AKT3: variants seen among roughly 807,000 people sequenced by gnomAD.
AKT3 encodes AKT serine/threonine kinase 3.
In AKT3, 15 loss-of-function variants were observed where a neutral mutation model predicts 65.3. The observed-to-expected ratio is 0.23, with a 90% confidence interval of 0.15 to 0.35. AKT3 has a LOEUF of 0.35. AKT3 is among the 10% of genes least tolerant of loss of function. The pLI is 1.00. For missense variants in AKT3, 243 were observed against 576.5 expected (o/e 0.42, Z 5.92); for synonymous variants, 206 against 183.8 (o/e 1.12, Z -0.98).
downstream of AKT3, among the ~76,000 whole-genome samples, chr1:243,497,531 A>C (rs1386945900): frequency 1.3e-5 from 2 of 152,088 alleles, no homozygotes; most frequent in African/African-American, 4.8e-5. Flanking sequence ...ACCCCCATGC[A>C]GGCCCACGGA....
chr1:243,536,521 C>T (rs1671944464), intron 12 of AKT3, among the ~76,000 whole-genome samples: 1 of 152,146 alleles, frequency 6.6e-6, no homozygotes, highest in Admixed American at 6.5e-5. Flanking sequence ...ATCTACTTAG[C>T]CTCAAATTAT....
intron 2 of AKT3, among the ~76,000 whole-genome samples, chr1:243,739,294 T>C (rs546958429): frequency 3.2e-4 from 49 of 152,184 alleles, no homozygotes; most frequent in African/African-American, 1.2e-3. Flanking sequence ...ATAGAAAAAA[T>C]TGAGATATTT....
chr1:243,795,491 A>G (rs1321036322), intron 2 of AKT3, among the ~76,000 whole-genome samples: 6 of 18,228 alleles, frequency 3.3e-4, no homozygotes, highest in Non-Finnish European at 7.4e-4. Context: ...TTTTTTTTTG[A>G]GACGGAGTCT....
chr1:243,840,580 A>C (rs979183316), intron 2 of AKT3, among the ~76,000 whole-genome samples: 5 of 152,206 alleles, frequency 3.3e-5, no homozygotes, highest in Non-Finnish European at 5.9e-5. Flanking sequence ...TATTTATATA[A>C]TGTAATATTT....
chr1:243,796,361 T>C (rs1692004423), intron 2 of AKT3, among the ~76,000 whole-genome samples: 1 of 152,214 alleles, frequency 6.6e-6, no homozygotes, highest in Non-Finnish European at 1.5e-5. Flanking sequence ...TTTCTCAAAG[T>C]CCGATCACAG....
chr1:243,660,224 G>A lies in AKT3; in HGVS notation c.284+4548C>T, dbSNP rs560654690. ...TTAGTCTTGGGAGAGTGTATGTGTCGAGGAATTTATCCATTTCTTCTAGAT... is the reference window on the plus strand; with the variant it reads ...TTAGTCTTGGGAGAGTGTATGTGTCAAGGAATTTATCCATTTCTTCTAGAT... On this transcript the variant is annotated intron_variant, in intron 4 of 13. Coordinates refer to ENST00000673466, the MANE Select transcript of AKT3 (RefSeq NM_005465.7). 7.9e-5 allele frequency among the ~76,000 whole-genome samples: 12 copies of A among 151,924 alleles called. No homozygotes were observed. The South Asian group carries it at 8.4e-4, about 11-fold the overall frequency.
At chr1:243,596,062 A>G (rs1241008793) in intron 8 of AKT3, among the ~76,000 whole-genome samples, 3 of 152,304 alleles carry the variant, frequency 2.0e-5, no homozygotes, top group Non-Finnish European at 4.4e-5. Context: ...ACTAGGCAAT[A>G]TGAATTTTTC....
chr1:243,586,395 T>A (rs1429709462), intron 8 of AKT3, among the ~76,000 whole-genome samples: 1 of 152,128 alleles, frequency 6.6e-6, no homozygotes, highest in Non-Finnish European at 1.5e-5. Flanking sequence ...CATTACTGAG[T>A]GTGTACCCAA....
At position 243,577,550 on chromosome 1, in the gene AKT3, A is replaced by G. The variant is rs148360362; in HGVS notation, c.697-4502T>C. 8.8e-3 allele frequency among the ~76,000 whole-genome samples: 1,341 copies of G among 152,328 alleles called. 7 individuals are homozygous for G. The highest frequency in any genetic ancestry group is 0.015 in the Non-Finnish European group (989 of 68,038). ...TACCTTATACAAAAATTAACTCAAGATTGATTAAAGACAAATGTAAAACCC... is the reference window on the plus strand; with the variant it reads ...TACCTTATACAAAAATTAACTCAAGGTTGATTAAAGACAAATGTAAAACCC... On this transcript the variant is annotated intron_variant, in intron 8 of 13. Transcript: ENST00000673466.
intron 2 of AKT3, among the ~76,000 whole-genome samples, chr1:243,696,056 A>T (rs1288391349): frequency 6.6e-6 from 1 of 151,874 alleles, no homozygotes; most frequent in Admixed American, 6.6e-5. Flanking sequence ...AGCCTTGGTA[A>T]ATCATCCACA....
Position 243,629,059 on chromosome 1 carries a change from C to G in AKT3, c.561+8552G>C, listed in dbSNP as rs1011909611. Among the ~76,000 whole-genome samples, 155 of 151,162 alleles carry G rather than the reference C, an allele frequency of 1.0e-3. 1 individual carries two copies. The highest frequency in any genetic ancestry group is 4.0e-4 in the Non-Finnish European group (27 of 67,678). The stretch of plus-strand genomic sequence containing the variant: ...TGGGAGGCCGAGGCAGGTGGATCAC[C>G]TGAGGTCAGGAGTTTGAGACCAGCC... On this transcript the variant is annotated intron_variant, in intron 6 of 13. Transcript: ENST00000673466.
chr1:243,604,663 T>G (rs1677263194), intron 8 of AKT3, among the ~76,000 whole-genome samples: 1 of 152,188 alleles, frequency 6.6e-6, no homozygotes, highest in Non-Finnish European at 1.5e-5. Context: ...GCTCCTCAGG[T>G]TCATTAAAGT....
chr1:243,779,372 T>C (rs992277138), intron 2 of AKT3, among the ~76,000 whole-genome samples: 1 of 152,038 alleles, frequency 6.6e-6, no homozygotes, highest in African/African-American at 2.4e-5. Flanking sequence ...GCAGTGACAA[T>C]GCCTGGTTTT....
At chr1:243,519,625 A>C (rs1353986219) in intron 12 of AKT3, among the ~76,000 whole-genome samples, 1 of 152,148 alleles carries the variant, frequency 6.6e-6, no homozygotes, top group African/African-American at 2.4e-5. Context: ...ACTTCTGGGA[A>C]AGCTTCACCA....
chr1:243,833,450 C>T (rs1199158928), intron 2 of AKT3, among the ~76,000 whole-genome samples: 3 of 152,008 alleles, frequency 2.0e-5, no homozygotes. Flanking sequence ...CTTATAAAAC[C>T]ATCAGATCTC....
At chr1:243,736,238 A>C (rs1228407467) in intron 2 of AKT3, among the ~76,000 whole-genome samples, 1 of 152,196 alleles carries the variant, frequency 6.6e-6, no homozygotes, top group African/African-American at 2.4e-5. Context: ...CCTACCACAG[A>C]AAGTTGTTCT....
chr1:243,785,822 TCA>T (rs778525565), intron 2 of AKT3, among the ~76,000 whole-genome samples: 2 of 152,306 alleles, frequency 1.3e-5, no homozygotes, highest in Middle Eastern at 3.4e-3. Flanking sequence ...TGACTGCAGG[TCA>T]CAGAAACATA....
At chr1:243,840,127 T>C (rs553077549) in intron 2 of AKT3, among the ~76,000 whole-genome samples, 3 of 152,176 alleles carry the variant, frequency 2.0e-5, no homozygotes, top group African/African-American at 7.2e-5. Flanking sequence ...GCCGAGATCA[T>C]GCCACTGCAT....
chr1:243,812,787 T>C (rs1306926798), intron 2 of AKT3, among the ~76,000 whole-genome samples: 3 of 152,016 alleles, frequency 2.0e-5, no homozygotes, highest in Admixed American at 1.3e-4. Flanking sequence ...CCAACAATGA[T>C]AGATTGGATT....
Sources: gnomAD v4.1 joint callset for allele counts (sites outside exome capture counted in the v4.1 genomes callset) on GRCh38, gnomAD v4.1.1 for gene constraint, MANE v1.5 for transcripts, NCBI Gene and HGNC (gene_info 2026-07-23, HGNC 2026-07-21) for gene names.